Variants in CTNNA3 observed in about 807,000 individuals in gnomAD.
CTNNA3 encodes the protein catenin alpha 3.
A neutral mutation model predicts 95.7 loss-of-function variants in CTNNA3; 76 were observed. The observed-to-expected ratio is 0.79, with a 90% CI of 0.66 to 0.96. CTNNA3 has a LOEUF of 0.96. CTNNA3 is among the 40% of genes least tolerant of loss of function. The pLI, the probability that CTNNA3 is intolerant of heterozygous loss-of-function variation, is 0.00. For missense variants in CTNNA3, 1,191 were observed against 1,089.8 expected, an observed-to-expected ratio of 1.09 and a Z score of -1.31; for synonymous variants, 431 against 374.4, an observed-to-expected ratio of 1.15 and a Z score of -1.74.
intron 11 of CTNNA3, among the ~76,000 whole-genome samples, chr10:66,492,517 G>GT (rs939851717): frequency 1.1e-4 from 16 of 149,710 alleles, no homozygotes; most frequent in Non-Finnish European, 1.9e-4. Flanking sequence ...CTTCTTTGCT[G>GT]TTCATGCTCA....
intron 9 of CTNNA3, among the ~76,000 whole-genome samples, chr10:66,638,152 C>A (rs1845398403): frequency 6.6e-6 from 1 of 152,150 alleles, no homozygotes. Context: ...GCGTTCTCTG[C>A]AAGGGTTTTT....
chr10:67,073,998 G>C (rs979492345), intron 7 of CTNNA3, among the ~76,000 whole-genome samples: 2 of 148,286 alleles, frequency 1.3e-5, no homozygotes, highest in African/African-American at 5.0e-5. Context: ...CAGATCTACT[G>C]AATTATCAAA....
rs1215382008 is a variant in CTNNA3 at position 67,080,950 on chromosome 10, C to A, written c.1047+99367G>T. ...CAAAAAAACAACAAAAAAAAAAAAACAAAGAAGAGGTGAAGTAACTTACCT... is the reference window on the plus strand; with the variant it reads ...CAAAAAAACAACAAAAAAAAAAAAAAAAAGAAGAGGTGAAGTAACTTACCT... On this transcript the variant is annotated intron_variant, in intron 7 of 17. Coordinates refer to ENST00000433211, the MANE Select transcript of CTNNA3 (RefSeq NM_013266.4). 1.6e-4 allele frequency among the ~76,000 whole-genome samples: 23 copies of A among 146,678 alleles called. No homozygotes were observed. In the East Asian group the frequency reaches 1.8e-3, roughly 11 times the overall value.
At chr10:67,690,342 T>G (rs554738235) in intron 1 of CTNNA3, among the ~76,000 whole-genome samples, 1 of 152,228 alleles carries the variant, frequency 6.6e-6, no homozygotes, top group Non-Finnish European at 1.5e-5. Flanking sequence ...AGATTTATTA[T>G]GAAGAGTGAA....
At chr10:66,962,576 A>AT (rs961132721) in intron 7 of CTNNA3, among the ~76,000 whole-genome samples, 9 of 150,516 alleles carry the variant, frequency 6.0e-5, no homozygotes, top group Non-Finnish European at 1.3e-4. Flanking sequence ...CACCCAGATA[A>AT]TTTTTTTTCT....
intron 9 of CTNNA3, among the ~76,000 whole-genome samples, chr10:66,649,514 A>G (rs891730812): frequency 1.3e-5 from 2 of 152,146 alleles, no homozygotes; most frequent in East Asian, 3.9e-4. Context: ...CCCTTACGGG[A>G]AGGAAAGTGA....
At chr10:66,209,320 GACAA>G (rs763333333) in intron 13 of CTNNA3, among the ~76,000 whole-genome samples, 1 of 152,134 alleles carries the variant, frequency 6.6e-6, no homozygotes, top group South Asian at 2.1e-4. Context: ...TGAGGACAAA[GACAA>G]ACAAATAAAT....
rs2076977382 is a variant in CTNNA3, at chr10:65,914,027, C to T, written c.*6303G>A. 6.6e-6 allele frequency: 1 copy of T among 152,046 alleles called. No individual in the cohort carries two copies. The highest frequency in any genetic ancestry group is 1.5e-5 in the Non-Finnish European group (1 of 67,988). The allele number at this position is 152,046 out of a possible 1,614,324, so 9.4% of individuals were successfully genotyped here. A position where few individuals can be genotyped will look rare whatever the true frequency, so the allele number is the denominator to read the frequency against. ...GTCACAGACCTCCAACACCAAATAA[C>T]CAGAACTAAAAATAACCATCCTTCT... On this transcript the variant is annotated 3_prime_UTR_variant, in exon 18 of 18. Transcript: ENST00000433211.
chr10:66,460,838 A>T (rs973741006), intron 11 of CTNNA3, among the ~76,000 whole-genome samples: 1 of 152,164 alleles, frequency 6.6e-6, no homozygotes, highest in African/African-American at 2.4e-5. Flanking sequence ...GGCTCCTTGG[A>T]ACTCACAAAT....
chr10:67,403,210 G>A (rs927085225), intron 5 of CTNNA3: 3 of 152,522 alleles, frequency 2.0e-5, no homozygotes, highest in Non-Finnish European at 4.4e-5. Flanking sequence ...CTTTAAGTGG[G>A]ACCCCAATCC....
intron 11 of CTNNA3, among the ~76,000 whole-genome samples, chr10:66,419,853 G>T (rs774480255): frequency 6.6e-6 from 1 of 152,068 alleles, no homozygotes; most frequent in South Asian, 2.1e-4. Flanking sequence ...GAATGAAACT[G>T]AACCCCTATC....
intron 12 of CTNNA3, among the ~76,000 whole-genome samples, chr10:66,375,693 A>G (rs2092791780): frequency 6.6e-6 from 1 of 152,190 alleles, no homozygotes; most frequent in African/African-American, 2.4e-5. Context: ...CTGCTATTAA[A>G]GTTTTTTCAA....
chr10:66,178,746 A>G (rs2085876019), intron 13 of CTNNA3, among the ~76,000 whole-genome samples: 1 of 151,930 alleles, frequency 6.6e-6, no homozygotes. Flanking sequence ...GAAAATGGAT[A>G]AAATACATGA....
intron 5 of CTNNA3, among the ~76,000 whole-genome samples, chr10:67,427,435 C>A (rs1436684041): frequency 1.3e-5 from 2 of 151,930 alleles, no homozygotes; most frequent in Non-Finnish European, 2.9e-5. Context: ...CATTAAATAG[C>A]AATTAGATAT....
At chr10:67,095,885 A>G (rs1040915948) in intron 7 of CTNNA3, among the ~76,000 whole-genome samples, 9 of 151,874 alleles carry the variant, frequency 5.9e-5, no homozygotes, top group Non-Finnish European at 1.2e-4. Context: ...AATGTATTTT[A>G]GTTATCTGGG....
intron 4 of CTNNA3, 70 bp downstream of exon 4, chr10:67,539,433 A>C: frequency 1.9e-6 from 3 of 1,548,386 alleles, no homozygotes; most frequent in Non-Finnish European, 2.7e-6. Context: ...ACTAGGATCG[A>C]CGCCAGGTTC....
At chr10:66,057,479 G>A (rs996915888) in intron 15 of CTNNA3, among the ~76,000 whole-genome samples, 1 of 152,062 alleles carries the variant, frequency 6.6e-6, no homozygotes, top group East Asian at 1.9e-4. Context: ...CTGAATGTTT[G>A]CTCATTACTT....
At chr10:66,938,097 C>T (rs1447957725) in intron 7 of CTNNA3, among the ~76,000 whole-genome samples, 2 of 152,170 alleles carry the variant, frequency 1.3e-5, no homozygotes, top group African/African-American at 2.4e-5. Flanking sequence ...AAACAATCTA[C>T]AGTAAACATT....
At chr10:66,597,220 T>A (rs1009995522) in intron 10 of CTNNA3, among the ~76,000 whole-genome samples, 3 of 151,796 alleles carry the variant, frequency 2.0e-5, no homozygotes, top group Admixed American at 6.6e-5. Flanking sequence ...GGGAGCCCTA[T>A]AAGCAGCAGA....
Sources: gnomAD v4.1 joint callset for allele counts (sites outside exome capture counted in the v4.1 genomes callset) on GRCh38, gnomAD v4.1.1 for gene constraint, MANE v1.5 for transcripts, NCBI Gene and HGNC (gene_info 2026-07-23, HGNC 2026-07-21) for gene names.